GALNTL6: variants seen among roughly 807,000 people sequenced by gnomAD.
GALNTL6 encodes the protein polypeptide N-acetylgalactosaminyltransferase like 6, also known as polypeptide N-acetylgalactosaminyltransferase-like 6.
GALNTL6 carries 46 observed loss-of-function variants against 73.7 expected under a neutral mutation model. That is an observed-to-expected ratio of 0.62 (90% CI 0.49 to 0.80). GALNTL6 has a LOEUF of 0.80. Ranked by LOEUF, GALNTL6 falls within the 30% of genes least tolerant of loss-of-function variation. The pLI, the probability that GALNTL6 is intolerant of heterozygous loss-of-function variation, is 0.00. For missense variants in GALNTL6, 604 were observed against 755.0 expected, an observed-to-expected ratio of 0.80 and a Z score of 2.34; for synonymous variants, 259 against 263.7, an observed-to-expected ratio of 0.98 and a Z score of 0.17.
chr4:172,894,177 T>C (rs913134265), intron 8 of GALNTL6, among the ~76,000 whole-genome samples: 3 of 152,236 alleles, frequency 2.0e-5, no homozygotes, highest in Admixed American at 2.0e-4. Context: ...GTCACTGTTT[T>C]ATTGTCTCAG....
chr4:173,026,025 G>C (rs1753216056), intron 12 of GALNTL6, among the ~76,000 whole-genome samples: 1 of 152,138 alleles, frequency 6.6e-6, no homozygotes, highest in Admixed American at 6.6e-5. Flanking sequence ...AGGCAATATT[G>C]ACAGTTGTTA....
intron 10 of GALNTL6, among the ~76,000 whole-genome samples, chr4:172,968,390 C>CA (rs760811012): frequency 7.9e-5 from 12 of 152,162 alleles, no homozygotes; most frequent in Non-Finnish European, 1.8e-4. Flanking sequence ...GAGGCCAATG[C>CA]AAAGAGACCA....
chr4:171,893,225 G>A (rs1259525926), intron 2 of GALNTL6, among the ~76,000 whole-genome samples: 1 of 152,196 alleles, frequency 6.6e-6, no homozygotes, highest in African/African-American at 2.4e-5. Context: ...TCCATAAGGG[G>A]CAGGAATTGT....
At chr4:172,569,844 C>T (rs921356803) in intron 5 of GALNTL6, among the ~76,000 whole-genome samples, 3 of 152,058 alleles carry the variant, frequency 2.0e-5, no homozygotes, top group Non-Finnish European at 2.9e-5. Context: ...CACTGGGAGC[C>T]GAGGATATGC....
intron 5 of GALNTL6, among the ~76,000 whole-genome samples, chr4:172,389,567 A>G (rs1368389003): frequency 6.6e-6 from 1 of 152,142 alleles, no homozygotes; most frequent in Non-Finnish European, 1.5e-5. Context: ...GAGTAGATGT[A>G]TATAACACAT....
chr4:171,947,120 C>T (rs116403110), intron 2 of GALNTL6, among the ~76,000 whole-genome samples: 1,871 of 152,102 alleles, frequency 0.012, 41 homozygotes, highest in African/African-American at 0.043. Flanking sequence ...ACAACCTACC[C>T]CCTTTCCTCT....
At chr4:172,957,097 T>G (rs1388463516) in intron 10 of GALNTL6, among the ~76,000 whole-genome samples, 1 of 152,148 alleles carries the variant, frequency 6.6e-6, no homozygotes. Flanking sequence ...GTTTCCTGAC[T>G]CAGGGCATGT....
chr4:172,009,271 G>A (rs546248241), intron 2 of GALNTL6, among the ~76,000 whole-genome samples: 1 of 152,106 alleles, frequency 6.6e-6, no homozygotes, highest in African/African-American at 2.4e-5. Flanking sequence ...ATTAGCATCC[G>A]GGAGGTCTGA....
rs150050974 is a variant in GALNTL6, at chr4:172,012,606, A to G, written c.138+197888A>G. 4.0e-4 allele frequency among the ~76,000 whole-genome samples: 61 copies of G among 152,132 alleles called. No individual in the cohort carries two copies. In the East Asian group the frequency reaches 0.012, roughly 29 times the overall value. ...CTGTAAACCCTCTCCTGAGGTTTTC[A>G]CAGCTCATGTGGAAGCTGCCTACCC... On this transcript the variant is annotated intron_variant, in intron 2 of 12. Transcript: ENST00000506823.
intron 5 of GALNTL6, among the ~76,000 whole-genome samples, chr4:172,467,834 C>T (rs1177223379): frequency 6.8e-6 from 1 of 147,228 alleles, no homozygotes; most frequent in Non-Finnish European, 1.5e-5. Context: ...TTCTTTCTTT[C>T]TTTCTTTCTT....
intron 4 of GALNTL6, among the ~76,000 whole-genome samples, chr4:172,340,281 T>C (rs1741515501): frequency 6.6e-6 from 1 of 152,218 alleles, no homozygotes; most frequent in Non-Finnish European, 1.5e-5. Flanking sequence ...TTTGTTAATA[T>C]AGTGCATCAC....
intron 2 of GALNTL6, among the ~76,000 whole-genome samples, chr4:172,041,490 A>G (rs1207753205): frequency 2.0e-5 from 3 of 152,102 alleles, no homozygotes; most frequent in Non-Finnish European, 4.4e-5. Flanking sequence ...ATTTACAGAC[A>G]TTTGTAATCC....
At chr4:171,899,915 A>C (rs1737030866) in intron 2 of GALNTL6, among the ~76,000 whole-genome samples, 1 of 152,020 alleles carries the variant, frequency 6.6e-6, no homozygotes, top group Non-Finnish European at 1.5e-5. Flanking sequence ...TCCACACCCT[A>C]CTTCCCTCTA....
chr4:172,476,922 C>CT lies in GALNTL6; in HGVS notation c.553+128253dup, dbSNP rs149479550. On this transcript the variant is annotated intron_variant, in intron 5 of 12. Transcript: ENST00000506823. ...ACAAACATAAATATGGCTTAAGAGA[C>CT]TTTTTTTTTTTTTTTTTTTTGAGAC... 3.7e-3 allele frequency among the ~76,000 whole-genome samples: 423 copies of CT among 113,346 alleles called. 3 individuals carry two copies. Among genetic ancestry groups the CT allele is most frequent in the Non-Finnish European group, 4.8e-3 (264 of 55,452 alleles). 74.4% of individuals were successfully genotyped at this position (113,346 alleles called of 152,430 possible).
intron 2 of GALNTL6, chr4:172,052,320 T>G: frequency 1.6e-6 from 1 of 628,726 alleles, no homozygotes; most frequent in Non-Finnish European, 2.8e-6. Context: ...AGAGCTCGGG[T>G]ATATTGTGAG....
At chr4:172,188,769 G>A (rs1735488372) in intron 2 of GALNTL6, among the ~76,000 whole-genome samples, 1 of 152,128 alleles carries the variant, frequency 6.6e-6, no homozygotes, top group Non-Finnish European at 1.5e-5. Context: ...CATAGGCAGT[G>A]TGAGGAGCAG....
intron 5 of GALNTL6, among the ~76,000 whole-genome samples, chr4:172,796,846 T>C (rs867437419): frequency 6.6e-5 from 10 of 152,184 alleles, no homozygotes; most frequent in Non-Finnish European, 2.9e-5. Context: ...TTAGTTCTGG[T>C]CTCATCTAAA....
intron 5 of GALNTL6, among the ~76,000 whole-genome samples, chr4:172,370,797 C>A (rs1289878605): frequency 1.3e-5 from 2 of 152,078 alleles, no homozygotes; most frequent in Non-Finnish European, 2.9e-5. Flanking sequence ...GGGGGGAGGT[C>A]TAGACCTCAG....
rs537882725 is a variant in GALNTL6 at position 172,180,958 on chromosome 4, G to A, written c.139-48698G>A. On this transcript the variant is annotated intron_variant, in intron 2 of 12. Transcript: ENST00000506823. ...TGTTCTTTTCTTCTCTTTTGGTTCC[G>A]TTAGAAATTTAAAGTAGTTTTTTTC... Among the ~76,000 whole-genome samples, 9 of 152,130 alleles carry A rather than the reference G, an allele frequency of 5.9e-5. No individual in the cohort carries two copies. The South Asian group carries it at 8.3e-4, about 14-fold the overall frequency.
Sources: gnomAD v4.1 joint callset for allele counts (sites outside exome capture counted in the v4.1 genomes callset) on GRCh38, gnomAD v4.1.1 for gene constraint, MANE v1.5 for transcripts, NCBI Gene and HGNC (gene_info 2026-07-23, HGNC 2026-07-21) for gene names.